The following CCDC91 variants were observed in gnomAD, a reference collection of about 807,000 sequenced individuals.
CCDC91 encodes coiled-coil domain-containing protein 91.
A neutral mutation model predicts 63.2 loss-of-function variants in CCDC91; 48 were observed. That is an observed-to-expected ratio of 0.76 (90% CI 0.60 to 0.97). The LOEUF (loss-of-function observed/expected upper bound fraction) is 0.97, where lower values mean the gene tolerates loss of function less well. CCDC91 is among the 50% of genes least tolerant of loss of function. CCDC91 has a pLI of 0.00. For missense variants in CCDC91, 500 were observed against 494.6 expected, an observed-to-expected ratio of 1.01 and a Z score of -0.10; for synonymous variants, 167 against 165.8, an observed-to-expected ratio of 1.01 and a Z score of -0.06.
intron 7 of CCDC91, among the ~76,000 whole-genome samples, chr12:28,373,080 C>A (rs571204799): frequency 2.4e-4 from 37 of 152,142 alleles, no homozygotes; most frequent in African/African-American, 8.9e-4. Flanking sequence ...TGTATTTTTT[C>A]ACTTGCATTC....
intron 6 of CCDC91, among the ~76,000 whole-genome samples, chr12:28,329,349 T>A (rs1423593800): frequency 5.3e-5 from 8 of 152,220 alleles, no homozygotes; most frequent in African/African-American, 1.9e-4. Context: ...CACCAAATTC[T>A]TCCTTTTGCA....
Position 28,190,648 on chromosome 12 carries a change from G to C in CCDC91, c.-15+7G>C, listed in dbSNP as rs1941118992. 2 of 153,150 alleles carry C rather than the reference G, an allele frequency of 1.3e-5. No individual in the cohort carries two copies. The highest frequency in any genetic ancestry group is 2.4e-5 in the African/African-American group (1 of 41,476). The allele number at this position is 153,150 out of a possible 1,614,324, so 9.5% of individuals were successfully genotyped here. A position where few individuals can be genotyped will look rare whatever the true frequency, so the allele number is the denominator to read the frequency against. The stretch of plus-strand genomic sequence containing the variant: ...GAGCGAGAGAGGGGAGCAGGTAAGT[G>C]AACGCTCGCCTTCCGGGGCCTGGGT... On this transcript the variant is annotated splice_region_variant and intron_variant, in intron 1 of 12. Transcript: ENST00000536442.
chr12:28,447,478 T>G lies in CCDC91; in HGVS notation c.763-2683T>G, dbSNP rs116556073. Among the ~76,000 whole-genome samples the G allele has an allele frequency of 3.3e-5, 5 of 151,598 alleles. No homozygotes were observed. The East Asian group carries it at 9.7e-4, about 30-fold the overall frequency. Reference sequence around the variant, plus strand: ...TCAGTCTTACAAAAATCAAAATACATTGTATTGAAACACATGGGTTTTGAA... The same window carrying G: ...TCAGTCTTACAAAAATCAAAATACAGTGTATTGAAACACATGGGTTTTGAA... On this transcript the variant is annotated intron_variant, in intron 8 of 12. Coordinates refer to ENST00000536442, the MANE Select transcript of CCDC91 (RefSeq NM_018318.5).
At chr12:28,494,844 A>G (rs929586433) in intron 12 of CCDC91, among the ~76,000 whole-genome samples, 4 of 151,782 alleles carry the variant, frequency 2.6e-5, no homozygotes, top group African/African-American at 9.7e-5. Context: ...ATGCACATCT[A>G]CAACAGCAGC....
At chr12:28,526,112 A>AG (rs1941235129) in intron 12 of CCDC91, among the ~76,000 whole-genome samples, 1 of 149,512 alleles carries the variant, frequency 6.7e-6, no homozygotes, top group Non-Finnish European at 1.5e-5. Flanking sequence ...TTGAGATGTG[A>AG]GGTACTATTC....
At chr12:28,264,417 A>G (rs1363824282) in intron 3 of CCDC91, among the ~76,000 whole-genome samples, 1 of 141,108 alleles carries the variant, frequency 7.1e-6, no homozygotes, top group Non-Finnish European at 1.6e-5. Context: ...ATTCACAAGT[A>G]ACTGTCTTTT....
chr12:28,440,684 TGACA>T (rs995553773), intron 8 of CCDC91, among the ~76,000 whole-genome samples: 7 of 151,986 alleles, frequency 4.6e-5, no homozygotes, highest in Admixed American at 3.3e-4. Flanking sequence ...AACATATATC[TGACA>T]AAGAGTTTAT....
intron 11 of CCDC91, among the ~76,000 whole-genome samples, chr12:28,460,175 A>G (rs73085977): frequency 0.015 from 2,312 of 152,182 alleles, 23 homozygotes; most frequent in African/African-American, 0.025. Context: ...TTGTCTTGGG[A>G]CCATATATGT....
chr12:28,394,116 C>G lies in CCDC91; in HGVS notation c.762+2705C>G, dbSNP rs76605510. ...TTGGATATACTTGGTGAAGAACACC[C>G]CAGGACGTTTATAGGATTATAAGCG... is the stretch of plus-strand genomic sequence containing the variant. On this transcript the variant is annotated intron_variant, in intron 8 of 12. Coordinates refer to ENST00000536442, the MANE Select transcript of CCDC91 (RefSeq NM_018318.5). Among the ~76,000 whole-genome samples the G allele has an allele frequency of 9.2e-3, 1,403 of 152,208 alleles. 27 individuals are homozygous for G. Among genetic ancestry groups the G allele is most frequent in the African/African-American group, 0.032 (1,333 of 41,542 alleles).
At chr12:28,284,102 G>A (rs917176458) in intron 3 of CCDC91, among the ~76,000 whole-genome samples, 1 of 152,036 alleles carries the variant, frequency 6.6e-6, no homozygotes, top group Non-Finnish European at 1.5e-5. Flanking sequence ...AAACATTCAT[G>A]ATACAGCCTT....
In CCDC91 at chr12:28,484,165, G is replaced by A; in HGVS notation, c.1215G>A (p.Arg405=). ...ELIEYIKEQK[R]LDQVIRQRSL... is the part of the protein sequence containing the mutation. ...TAGAGTATATAAAAGAACAGAAAAG[G>A]GTAAGTATCTCCTGAAGAGTTTTAA... The change falls in exon 12 of 13, where the codon AGG becomes AGA. Residue 405 remains arginine, a splice_region_variant and synonymous_variant. Coordinates refer to ENST00000536442, the MANE Select transcript of CCDC91 (RefSeq NM_018318.5). 2 of 1,556,774 alleles carry A rather than the reference G, an allele frequency of 1.3e-6. No individual in the cohort carries two copies. Among genetic ancestry groups the A allele is most frequent in the Middle Eastern group, 1.7e-4 (1 of 5,898 alleles).
At chr12:28,533,284 G>A (rs1302800716) in intron 12 of CCDC91, among the ~76,000 whole-genome samples, 3 of 151,716 alleles carry the variant, frequency 2.0e-5, no homozygotes, top group South Asian at 2.1e-4. Flanking sequence ...TTTGAGATTC[G>A]TAGAATTGTG....
intron 3 of CCDC91, among the ~76,000 whole-genome samples, chr12:28,262,108 G>A (rs1245082872): frequency 6.6e-6 from 1 of 151,972 alleles, no homozygotes; most frequent in Non-Finnish European, 1.5e-5. Context: ...AACAGCTTAC[G>A]TAGCTAACAA....
chr12:28,297,610 A>C (rs935884224), intron 3 of CCDC91, among the ~76,000 whole-genome samples: 4 of 151,908 alleles, frequency 2.6e-5, no homozygotes, highest in Non-Finnish European at 1.5e-5. Flanking sequence ...AACAAACAAC[A>C]TACCAAAAGA....
At chr12:28,361,981 G>A (rs549908138) in intron 6 of CCDC91, among the ~76,000 whole-genome samples, 52 of 152,056 alleles carry the variant, frequency 3.4e-4, no homozygotes, top group Non-Finnish European at 6.9e-4. Flanking sequence ...AAAGATTGTA[G>A]GATGTTAACA....
intron 12 of CCDC91, among the ~76,000 whole-genome samples, chr12:28,536,762 T>C (rs1942211046): frequency 6.6e-6 from 1 of 152,206 alleles, no homozygotes; most frequent in Admixed American, 6.5e-5. Flanking sequence ...TTTTCCTAAA[T>C]GATGATTTTG....
At chr12:28,268,634 C>A (rs1947524531) in intron 3 of CCDC91, 4 of 984,368 alleles carry the variant, frequency 4.1e-6, no homozygotes, top group Non-Finnish European at 3.6e-6. Flanking sequence ...ATTATTTTGG[C>A]CACAGAGCTA....
intron 1 of CCDC91, among the ~76,000 whole-genome samples, chr12:28,231,252 G>A (rs1486622774): frequency 6.6e-6 from 1 of 152,162 alleles, no homozygotes; most frequent in Admixed American, 6.5e-5. Flanking sequence ...AAATATTCTA[G>A]CATTTACATG....
chr12:28,442,635 G>A (rs1427228057), intron 8 of CCDC91, among the ~76,000 whole-genome samples: 1 of 151,988 alleles, frequency 6.6e-6, no homozygotes, highest in South Asian at 2.1e-4. Context: ...CACTCAGAGG[G>A]CATGGATCTA....
Sources: allele counts gnomAD v4.1 joint callset (sites outside exome capture counted in the v4.1 genomes callset), GRCh38; gene constraint gnomAD v4.1.1; transcripts MANE v1.5; gene names NCBI Gene and HGNC (gene_info 2026-07-23, HGNC 2026-07-21).